The following MTHFD2L variants were observed in gnomAD, a reference collection of about 807,000 sequenced individuals.
The protein encoded by MTHFD2L is bifunctional methylenetetrahydrofolate dehydrogenase/cyclohydrolase 2, mitochondrial.
In MTHFD2L, 29 loss-of-function variants were observed where a neutral mutation model predicts 34.9. The observed-to-expected ratio is 0.83, with a 90% confidence interval of 0.62 to 1.13. The LOEUF (loss-of-function observed/expected upper bound fraction) is 1.13, where lower values mean the gene tolerates loss of function less well. MTHFD2L is among the 50% of genes most tolerant of loss of function. The pLI is 0.00. For missense variants in MTHFD2L, 481 were observed against 446.5 expected (o/e 1.08, Z -0.70); for synonymous variants, 167 against 155.7 (o/e 1.07, Z -0.54).
intron 5 of MTHFD2L, among the ~76,000 whole-genome samples, chr4:74,203,118 G>A (rs1734725129): frequency 6.6e-6 from 1 of 152,034 alleles, no homozygotes; most frequent in Admixed American, 6.6e-5. Context: ...TATGCCTAAA[G>A]AATTAAATAT....
At chr4:74,252,432 G>T (rs1220875436) in intron 6 of MTHFD2L, among the ~76,000 whole-genome samples, 3 of 151,640 alleles carry the variant, frequency 2.0e-5, no homozygotes, top group Admixed American at 2.0e-4. Flanking sequence ...CTGAGGGTGA[G>T]GAAAATAGGC....
chr4:74,185,898 CTG>C (rs1553904655), intron 3 of MTHFD2L, among the ~76,000 whole-genome samples: 1 of 152,122 alleles, frequency 6.6e-6, no homozygotes, highest in Non-Finnish European at 1.5e-5. Flanking sequence ...CAGCATTACT[CTG>C]TTACTAAAAA....
chr4:74,191,676 G>A (rs1439842501), intron 3 of MTHFD2L, among the ~76,000 whole-genome samples: 8 of 151,742 alleles, frequency 5.3e-5, no homozygotes, highest in Non-Finnish European at 1.0e-4. Flanking sequence ...TCAGCCTCCC[G>A]AGTAGCTGGG....
chr4:74,287,592 C>A (rs1748344746), intron 7 of MTHFD2L, among the ~76,000 whole-genome samples: 1 of 152,058 alleles, frequency 6.6e-6, no homozygotes. Flanking sequence ...ACTAAAAATA[C>A]AAAAATTCGC....
intron 6 of MTHFD2L, among the ~76,000 whole-genome samples, chr4:74,262,692 A>G (rs1378903090): frequency 6.6e-6 from 1 of 152,106 alleles, no homozygotes; most frequent in South Asian, 2.1e-4. Context: ...CACACATCAG[A>G]TTGGCAAAAA....
At chr4:74,149,840 C>T (rs1339271296) in intron 1 of MTHFD2L, among the ~76,000 whole-genome samples, 1 of 152,162 alleles carries the variant, frequency 6.6e-6, no homozygotes, top group African/African-American at 2.4e-5. Context: ...GGTTTCAAAA[C>T]TTGTGAATAT....
intron 1 of MTHFD2L, chr4:74,161,872 A>C (rs1311185781): frequency 2.6e-5 from 4 of 152,234 alleles, no homozygotes; most frequent in African/African-American, 7.2e-5. Context: ...CATGGAGCTC[A>C]GTGAAATTAC....
At chr4:74,156,919 T>C (rs1724318070), upstream of MTHFD2L, 1 of 152,216 alleles carries the variant, frequency 6.6e-6, no homozygotes, top group Non-Finnish European at 1.5e-5. Flanking sequence ...CTTTAATTGT[T>C]GAGTTTCAAG....
At chr4:74,221,870 A>T (rs1019663419) in intron 5 of MTHFD2L, among the ~76,000 whole-genome samples, 3 of 151,798 alleles carry the variant, frequency 2.0e-5, no homozygotes, top group African/African-American at 7.2e-5. Flanking sequence ...TAATAATTAC[A>T]ACATTATATA....
chr4:74,147,792 C>A (rs1553894719), intron 1 of MTHFD2L, among the ~76,000 whole-genome samples: 1 of 151,982 alleles, frequency 6.6e-6, no homozygotes, highest in Non-Finnish European at 1.5e-5. Context: ...TGTTGAGCAT[C>A]TTTTTTTTAT....
At position 74,175,348 on chromosome 4, in the gene MTHFD2L, T is replaced by A; in HGVS notation, c.396T>A (p.Asp132Glu). The A allele has an allele frequency of 1.2e-6, 2 of 1,613,184 alleles. No individual in the cohort carries two copies. The highest frequency in any genetic ancestry group is 2.2e-5 in the East Asian group (1 of 44,856). The change falls in exon 3 of 8, where the codon GAT becomes GAA. Residue 132 changes from aspartate (D) to glutamate (E), a missense_variant. Coordinates refer to ENST00000325278, the MANE Select transcript of MTHFD2L (RefSeq NM_001144978.3). ...VSQEELLDVT[D>E]QLNMDPRVSG... ...AGGAAGAACTTTTGGACGTAACTGA[T>A]CAATTGAATATGGACCCAAGAGTCA...
chr4:74,246,594 G>A (rs1742490317), intron 6 of MTHFD2L, among the ~76,000 whole-genome samples: 1 of 152,108 alleles, frequency 6.6e-6, no homozygotes, highest in South Asian at 2.1e-4. Context: ...TTTTCTTCTA[G>A]GGTTTTTACA....
rs537139899 is a variant in MTHFD2L at position 74,201,039 on chromosome 4, T to C, written c.605-224T>C. The stretch of plus-strand genomic sequence containing the variant: ...AAGCAACTTAATGTCAACTTAAGAA[T>C]GTCTGTGGTTTTTAATGAGTACATA... On this transcript the variant is annotated intron_variant, in intron 4 of 7. Transcript: ENST00000325278. 7.6e-4 allele frequency among the ~76,000 whole-genome samples: 116 copies of C among 152,336 alleles called. 2 individuals carry two copies. The South Asian group carries it at 0.023, about 30-fold the overall frequency.
intron 7 of MTHFD2L, among the ~76,000 whole-genome samples, chr4:74,289,059 A>AT (rs1748553286): frequency 6.6e-6 from 1 of 152,206 alleles, no homozygotes; most frequent in South Asian, 2.1e-4. Context: ...TGTGTCAGGC[A>AT]TTTTTATAGT....
At chr4:74,168,562 TAGAA>T (rs1431846248) in intron 1 of MTHFD2L, among the ~76,000 whole-genome samples, 1 of 152,256 alleles carries the variant, frequency 6.6e-6, no homozygotes, top group Admixed American at 6.5e-5. Context: ...CTTCTTCAAC[TAGAA>T]TATAGTTTCC....
At chr4:74,170,027 T>C (rs1727561567) in intron 1 of MTHFD2L, among the ~76,000 whole-genome samples, 1 of 152,132 alleles carries the variant, frequency 6.6e-6, no homozygotes, top group African/African-American at 2.4e-5. Flanking sequence ...TCAGATAGCT[T>C]CATGGGTGAA....
intron 7 of MTHFD2L, among the ~76,000 whole-genome samples, chr4:74,295,167 C>T (rs1345428092): frequency 6.6e-6 from 1 of 152,062 alleles, no homozygotes; most frequent in African/African-American, 2.4e-5. Flanking sequence ...TTCTTGACCC[C>T]ATATAGCCCA....
At chr4:74,176,014 A>C (rs890498802) in intron 3 of MTHFD2L, among the ~76,000 whole-genome samples, 2 of 151,998 alleles carry the variant, frequency 1.3e-5, no homozygotes, top group Non-Finnish European at 2.9e-5. Context: ...ATTAGCTCCC[A>C]GTATTTTGTC....
intron 1 of MTHFD2L, among the ~76,000 whole-genome samples, chr4:74,137,123 C>A (rs888984103): frequency 6.6e-6 from 1 of 152,074 alleles, no homozygotes; most frequent in Admixed American, 6.5e-5. Context: ...ATTGGGATTA[C>A]ATCAAACTAT....
Sources: allele counts gnomAD v4.1 joint callset (sites outside exome capture counted in the v4.1 genomes callset), GRCh38; gene constraint gnomAD v4.1.1; transcripts MANE v1.5; gene names NCBI Gene and HGNC (gene_info 2026-07-23, HGNC 2026-07-21).